The following PIP5K1B variants were observed in gnomAD, a reference collection of about 807,000 sequenced individuals.
PIP5K1B encodes phosphatidylinositol 4-phosphate 5-kinase type-1 beta.
A neutral mutation model predicts 67.0 loss-of-function variants in PIP5K1B; 42 were observed. The observed-to-expected ratio is 0.63, with a 90% CI of 0.49 to 0.81. The LOEUF (loss-of-function observed/expected upper bound fraction) is 0.81. Ranked by LOEUF, PIP5K1B falls within the 30% of genes least tolerant of loss-of-function variation. The probability of loss-of-function intolerance (pLI) is 0.00; values close to 1 mark genes in which losing one functional copy is unlikely to be tolerated. For synonymous variants in PIP5K1B, 214 were observed against 231.4 expected (o/e 0.92, Z 0.68); for missense variants, 459 against 646.3 (o/e 0.71, Z 3.14).
rs577571072 is a variant in PIP5K1B at position 68,855,364 on chromosome 9, G to A, written c.70-8473G>A. Among the ~76,000 whole-genome samples, 61 of 152,106 alleles carry A rather than the reference G, an allele frequency of 4.0e-4. 1 individual carries two copies. The South Asian group carries it at 0.012, about 31-fold the overall frequency. The stretch of plus-strand genomic sequence containing the variant: ...TCTTGGTTTTCTCATTCAACCCCTT[G>A]GTTTTCAATATCATTTATATGCTAA... On this transcript the variant is annotated intron_variant, in intron 4 of 15. Coordinates refer to ENST00000265382, the MANE Select transcript of PIP5K1B (RefSeq NM_003558.4).
At chr9:68,895,725 A>G (rs1825052583) in intron 8 of PIP5K1B, among the ~76,000 whole-genome samples, 2 of 151,584 alleles carry the variant, frequency 1.3e-5, no homozygotes, top group South Asian at 2.1e-4. Flanking sequence ...ATTGACAGAG[A>G]TGTTACTCCT....
At chr9:68,825,892 C>T (rs1005251339) in intron 4 of PIP5K1B, among the ~76,000 whole-genome samples, 5 of 152,222 alleles carry the variant, frequency 3.3e-5, no homozygotes, top group Non-Finnish European at 7.3e-5. Flanking sequence ...CATTCAGCGT[C>T]ATGAGTGCTA....
chr9:68,715,219 G>T (rs532669593), intron 1 of PIP5K1B, among the ~76,000 whole-genome samples: 1 of 152,322 alleles, frequency 6.6e-6, no homozygotes, highest in Admixed American at 6.5e-5. Flanking sequence ...CCTGACCAAG[G>T]AGTGGGGCCT....
chr9:68,940,584 T>C, intron 13 of PIP5K1B, 62 bp from the exon 14 acceptor site: 1 of 1,483,920 alleles, frequency 6.7e-7, no homozygotes, highest in Non-Finnish European at 9.3e-7. Context: ...TCAATTATTA[T>C]AGATACTAAA....
At chr9:68,815,950 G>T (rs1165055737) in intron 2 of PIP5K1B, among the ~76,000 whole-genome samples, 2 of 152,024 alleles carry the variant, frequency 1.3e-5, no homozygotes, top group African/African-American at 2.4e-5. Context: ...AAAAAAGATT[G>T]TAGTGAAAGA....
intron 12 of PIP5K1B, among the ~76,000 whole-genome samples, chr9:68,924,512 A>G (rs750974194): frequency 6.6e-5 from 10 of 152,082 alleles, no homozygotes; most frequent in Admixed American, 3.3e-4. Context: ...CAAAGCTAAC[A>G]GTGCTTATTC....
intron 3 of PIP5K1B, among the ~76,000 whole-genome samples, chr9:68,822,165 G>A (rs779461727): frequency 5.9e-5 from 9 of 152,060 alleles, no homozygotes; most frequent in Non-Finnish European, 5.9e-5. Flanking sequence ...TTTTTTAAAA[G>A]GCTATGTAGC....
chr9:68,915,537 A>G (rs779652156), intron 8 of PIP5K1B, among the ~76,000 whole-genome samples: 1 of 152,022 alleles, frequency 6.6e-6, no homozygotes, highest in Non-Finnish European at 1.5e-5. Flanking sequence ...CACTGATAAC[A>G]CCTCCATGGA....
intron 4 of PIP5K1B, chr9:68,843,419 T>A (rs1175493958): frequency 6.6e-6 from 1 of 152,202 alleles, no homozygotes; most frequent in Non-Finnish European, 1.5e-5. Flanking sequence ...TGAAAAAAAA[T>A]TTCCATATTT....
chr9:68,944,554 C>T (rs1827711955), intron 14 of PIP5K1B, among the ~76,000 whole-genome samples: 1 of 152,174 alleles, frequency 6.6e-6, no homozygotes, highest in Admixed American at 6.5e-5. Flanking sequence ...TGGGCTCACC[C>T]TGCAGACATT....
chr9:68,996,324 A>AT (rs1348067571), intron 15 of PIP5K1B, among the ~76,000 whole-genome samples: 1 of 152,210 alleles, frequency 6.6e-6, no homozygotes. Context: ...TTTAGTTCAG[A>AT]TTTTATGTAT....
chr9:68,723,388 T>TG (rs1827986156), intron 1 of PIP5K1B, among the ~76,000 whole-genome samples: 1 of 101,624 alleles, frequency 9.8e-6, no homozygotes, highest in Non-Finnish European at 2.0e-5. Context: ...ATGGTAGTCC[T>TG]ATTTTTTTTT....
chr9:68,815,989 T>C (rs956619770), intron 2 of PIP5K1B, among the ~76,000 whole-genome samples: 1 of 152,146 alleles, frequency 6.6e-6, no homozygotes, highest in Admixed American at 6.5e-5. Flanking sequence ...AGTAGAGAGC[T>C]ATACTATCTT....
intron 9 of PIP5K1B, 131 bp from the exon 10 acceptor site, chr9:68,919,342 AAAAGAT>A (rs1826253261): frequency 1.8e-6 from 1 of 554,560 alleles, no homozygotes; most frequent in Non-Finnish European, 3.2e-6. Flanking sequence ...AAACAAAAAA[AAAAGAT>A]GAATGGGAGA....
intron 9 of PIP5K1B, 124 bp from the exon 10 acceptor site, chr9:68,919,355 G>A: frequency 1.8e-6 from 1 of 565,626 alleles, no homozygotes; most frequent in East Asian, 3.1e-5. Flanking sequence ...AGATGAATGG[G>A]AGATAGCCCA....
chr9:68,961,264 A>G (rs1828732543), intron 14 of PIP5K1B, among the ~76,000 whole-genome samples: 1 of 152,056 alleles, frequency 6.6e-6, no homozygotes, highest in Non-Finnish European at 1.5e-5. Context: ...CAAGACAGAA[A>G]GTAAGTTAGC....
At chr9:68,867,460 C>T (rs2132278531) in intron 5 of PIP5K1B, among the ~76,000 whole-genome samples, 1 of 152,310 alleles carries the variant, frequency 6.6e-6, no homozygotes, top group East Asian at 1.9e-4. Flanking sequence ...GGATTTGGCC[C>T]AGTGTTTCTC....
chr9:68,858,519 T>C (rs768094510), intron 4 of PIP5K1B, among the ~76,000 whole-genome samples: 22 of 152,128 alleles, frequency 1.4e-4, no homozygotes, highest in Non-Finnish European at 2.6e-4. Context: ...GAGTATTTGG[T>C]TTTTAAAATA....
chr9:68,915,333 G>A (rs1025343231), intron 8 of PIP5K1B, among the ~76,000 whole-genome samples: 10 of 152,016 alleles, frequency 6.6e-5, no homozygotes, highest in Admixed American at 5.9e-4. Flanking sequence ...GTCTCGGGGG[G>A]TACTGTTGCC....
Sources: gnomAD v4.1 joint callset for allele counts (sites outside exome capture counted in the v4.1 genomes callset) on GRCh38, gnomAD v4.1.1 for gene constraint, MANE v1.5 for transcripts, NCBI Gene and HGNC (gene_info 2026-07-23, HGNC 2026-07-21) for gene names.